The following EDA variants were observed in gnomAD, a reference collection of about 807,000 sequenced individuals.
The protein encoded by EDA is ectodysplasin-A.
A neutral mutation model predicts 23.6 loss-of-function variants in EDA; 2 were observed. That is an observed-to-expected ratio of 0.08 (90% CI 0.03 to 0.27). EDA has a LOEUF of 0.27. Ranked by LOEUF, EDA falls within the 10% of genes least tolerant of loss-of-function variation. EDA has a pLI of 1.00. For synonymous variants in EDA, 131 were observed against 132.0 expected (o/e 0.99, Z 0.05); for missense variants, 229 against 324.2 (o/e 0.71, Z 2.26).
intron 1 of EDA, among the ~76,000 whole-genome samples, chrX:69,626,070 G>A (rs971169147): frequency 4.5e-5 from 5 of 111,007 alleles, no homozygotes; most frequent in African/African-American, 1.6e-4. Context: ...AAACATGTTC[G>A]ACATCATTAT....
At chrX:69,632,779 G>C (rs1312941437) in intron 1 of EDA, among the ~76,000 whole-genome samples, 4 of 111,969 alleles carry the variant, frequency 3.6e-5, no homozygotes, top group Non-Finnish European at 7.5e-5. Flanking sequence ...TGTCTCCATA[G>C]AGGAAATGTG....
chrX:69,977,229 C>T (rs1329976520), intron 2 of EDA, among the ~76,000 whole-genome samples: 1 of 112,068 alleles, frequency 8.9e-6, no homozygotes, highest in Non-Finnish European at 1.9e-5. Flanking sequence ...GGCATTCCAA[C>T]GAAGGCTTTT....
At chrX:69,834,122 G>C (rs182871340) in intron 1 of EDA, among the ~76,000 whole-genome samples, 2 of 110,231 alleles carry the variant, frequency 1.8e-5, no homozygotes, top group Non-Finnish European at 3.8e-5. Context: ...TCCCTACAAA[G>C]GACATGAACT....
intron 1 of EDA, among the ~76,000 whole-genome samples, chrX:69,854,207 T>G (rs2017195796): frequency 9.0e-6 from 1 of 110,897 alleles, no homozygotes; most frequent in Admixed American, 9.7e-5. Context: ...TGTTTTGTTT[T>G]GTTTGAGATG....
At chrX:69,660,916 G>A (rs755665617) in intron 1 of EDA, among the ~76,000 whole-genome samples, 7 of 111,342 alleles carry the variant, frequency 6.3e-5, no homozygotes, top group South Asian at 3.8e-4. Flanking sequence ...TTGAGGAATC[G>A]CCACACTGTC....
At chrX:69,708,273 T>G (rs1184564164) in intron 1 of EDA, among the ~76,000 whole-genome samples, 1 of 112,097 alleles carries the variant, frequency 8.9e-6, no homozygotes, top group African/African-American at 3.2e-5. Context: ...ACAGCTTGAT[T>G]GGTTACAGCT....
rs544601085 is a variant in EDA, at chrX:69,670,183, G to GTTTTT, written c.396+53494_396+53498dup. ...CTGGGTATAGTATTCTTGGCTGACTGTTTTTTTTTTTTTTTTTTTCTTTCA... is the reference window on the plus strand; with the variant it reads ...CTGGGTATAGTATTCTTGGCTGACTGTTTTTTTTTTTTTTTTTTTTTTTTCTTTCA... On this transcript the variant is annotated intron_variant, in intron 1 of 7. Coordinates refer to ENST00000374552, the MANE Select transcript of EDA (RefSeq NM_001399.5). 24,830 of 226,487 alleles carry GTTTTT rather than the reference G, an allele frequency of 0.11. 1,590 individuals carry two copies. The highest frequency in any genetic ancestry group is 0.13 in the Non-Finnish European group (17,288 of 137,246). The allele number at this position is 226,487 out of a possible 1,213,427, so 18.7% of individuals were successfully genotyped here. A position where few individuals can be genotyped will look rare whatever the true frequency, so the allele number is the denominator to read the frequency against.
At chrX:69,777,455 G>A (rs140180110) in intron 1 of EDA, among the ~76,000 whole-genome samples, 1,532 of 111,271 alleles carry the variant, frequency 0.014, 18 homozygotes, top group African/African-American at 0.045. Flanking sequence ...AGTTACCACC[G>A]TGGATTTAGT....
chrX:69,713,937 T>C (rs1416273699), intron 1 of EDA, among the ~76,000 whole-genome samples: 5 of 103,845 alleles, frequency 4.8e-5, no homozygotes, highest in African/African-American at 1.1e-4. Context: ...TTTTTTTTTT[T>C]CCAAGAAACT....
chrX:69,752,113 G>T (rs1214222637), intron 1 of EDA, among the ~76,000 whole-genome samples: 1 of 111,296 alleles, frequency 9.0e-6, no homozygotes, highest in East Asian at 2.8e-4. Context: ...CCAACACTAT[G>T]TTGAATAGGA....
At chrX:69,794,378 T>C (rs922459746) in intron 1 of EDA, among the ~76,000 whole-genome samples, 2 of 112,098 alleles carry the variant, frequency 1.8e-5, no homozygotes, top group Admixed American at 9.4e-5. Context: ...TTAAACATTT[T>C]ATTTGGAAAT....
At chrX:69,860,775 C>T in intron 1 of EDA, 1 of 512,787 alleles carries the variant, frequency 2.0e-6, no homozygotes, top group Non-Finnish European at 3.5e-6. Context: ...ATTGGCTTCT[C>T]TAGTTAGGTT....
chrX:69,728,184 C>T (rs954270030), intron 1 of EDA, among the ~76,000 whole-genome samples: 8 of 106,360 alleles, frequency 7.5e-5, no homozygotes, highest in African/African-American at 1.4e-4. Flanking sequence ...GCGGAGGTTT[C>T]GGTGAGCTGT....
chrX:69,671,984 G>A (rs753610375), intron 1 of EDA, among the ~76,000 whole-genome samples: 1 of 111,852 alleles, frequency 8.9e-6, no homozygotes, highest in African/African-American at 3.2e-5. Flanking sequence ...CAAAGACCAG[G>A]TCTTAAATAT....
At chrX:69,700,620 G>A (rs2011508459) in intron 1 of EDA, among the ~76,000 whole-genome samples, 1 of 110,921 alleles carries the variant, frequency 9.0e-6, no homozygotes, top group Non-Finnish European at 1.9e-5. Context: ...ATAGGCTTTA[G>A]GCCTATGAGA....
intron 1 of EDA, among the ~76,000 whole-genome samples, chrX:69,783,666 T>C (rs908890624): frequency 9.0e-6 from 1 of 111,715 alleles, no homozygotes; most frequent in Non-Finnish European, 1.9e-5. Context: ...ATGTGCCACA[T>C]TTTCTTAATC....
intron 5 of EDA, 68 bp from the exon 6 acceptor site, chrX:70,030,401 T>C: frequency 2.1e-6 from 2 of 959,082 alleles, no homozygotes; most frequent in Non-Finnish European, 3.0e-6. Flanking sequence ...GATGGAAACA[T>C]GGGACTGGTG....
intron 1 of EDA, among the ~76,000 whole-genome samples, chrX:69,821,137 CA>C (rs1459784802): frequency 1.9e-5 from 2 of 106,625 alleles, no homozygotes; most frequent in Non-Finnish European, 3.8e-5. Context: ...AACACAGGAA[CA>C]GAAAATAAAC....
chrX:69,715,925 GGTTT>G (rs1424062414), intron 1 of EDA, among the ~76,000 whole-genome samples: 2 of 110,612 alleles, frequency 1.8e-5, no homozygotes, highest in Non-Finnish European at 3.8e-5. Flanking sequence ...CTTTTTAATG[GGTTT>G]GTTTTCTTGT....
Sources: allele counts gnomAD v4.1 joint callset (sites outside exome capture counted in the v4.1 genomes callset), GRCh38; gene constraint gnomAD v4.1.1; transcripts MANE v1.5; gene names NCBI Gene and HGNC (gene_info 2026-07-23, HGNC 2026-07-21).